The following BCOR variants were observed in gnomAD, a reference collection of about 807,000 sequenced individuals.
BCOR encodes the protein BCL6 corepressor, also known as BCL-6 corepressor.
A neutral mutation model predicts 86.7 loss-of-function variants in BCOR; 10 were observed. The ratio of observed to expected loss-of-function variants is 0.12; its 90% CI spans 0.07 to 0.20. The LOEUF (loss-of-function observed/expected upper bound fraction) is 0.20. Among genes scored for constraint, BCOR ranks in the 10% least tolerant of loss-of-function variants. The probability of loss-of-function intolerance (pLI) is 1.00; values close to 1 mark genes in which losing one functional copy is unlikely to be tolerated. For synonymous variants in BCOR, 611 were observed against 609.0 expected, an observed-to-expected ratio of 1.00 and a Z score of -0.05; for missense variants, 1,259 against 1,452.1, an observed-to-expected ratio of 0.87 and a Z score of 2.16.
At chrX:40,055,601 C>T in intron 11 of BCOR, 88 bp from the exon 12 acceptor site, 1 of 1,078,214 alleles carries the variant, frequency 9.3e-7, no homozygotes, top group Non-Finnish European at 1.3e-6. Context: ...ACAGGCAAAG[C>T]TGGGCACATG....
intron 1 of BCOR, among the ~76,000 whole-genome samples, chrX:40,138,617 C>T (rs975848392): frequency 2.7e-5 from 3 of 110,925 alleles, no homozygotes; most frequent in Non-Finnish European, 5.7e-5. Context: ...TGTAGTGGCA[C>T]GATCTCGGCT....
Position 40,074,515 on chromosome X carries a change from C to G in BCOR, c.831G>C (p.Pro277=), listed in dbSNP as rs766706601. The G allele has an allele frequency of 8.3e-7, 1 of 1,206,649 alleles. No homozygotes were observed. Among genetic ancestry groups the G allele is most frequent in the East Asian group, 3.0e-5 (1 of 33,623 alleles). Residue 277 remains proline, a synonymous_variant, in exon 4 of 15, where the codon CCG becomes CCC. Transcript: ENST00000378444. The part of the protein sequence containing the change: ...LSTPSASPAI[P]PLVHCADKSL... ...TTTTGTCTGCGCAATGGACGAGAGG[C>G]GGGATGGCTGGGGAGGCCGAAGGTG...
intron 1 of BCOR, among the ~76,000 whole-genome samples, chrX:40,127,528 T>G (rs1462729846): frequency 8.9e-6 from 1 of 111,969 alleles, no homozygotes; most frequent in Non-Finnish European, 1.9e-5. Context: ...AGCAAACTGA[T>G]ATATCTCATT....
chrX:40,057,877 A>G (rs774260510), intron 10 of BCOR, among the ~76,000 whole-genome samples: 9 of 111,867 alleles, frequency 8.0e-5, no homozygotes, highest in Non-Finnish European at 1.3e-4. Context: ...GATGCCCAGG[A>G]GTTTAGGCTG....
Position 40,062,178 on chromosome X carries a change from G to A in BCOR, c.4389C>T (p.Gly1463=), listed in dbSNP as rs200839989. Residue 1463 remains glycine (G), a synonymous_variant, in exon 10 of 15, where the codon GGC becomes GGT. Coordinates refer to ENST00000378444, the MANE Select transcript of BCOR (RefSeq NM_001123385.2). ...TGGCTGCCCGCTGCAGAAGGGTCTC[G>A]CCAGCGTTCTTATTGACAATAAGTC... ...ARRLIVNKNA[G]ETLLQRAARL... The A allele has an allele frequency of 1.2e-5, 15 of 1,203,295 alleles. No individual in the cohort carries two copies. The highest frequency in any genetic ancestry group is 2.3e-4 in the Middle Eastern group (1 of 4,301).
At chrX:40,052,540 T>C (rs886944953) in intron 14 of BCOR, 140 bp from the exon 15 acceptor site, 1 of 363,964 alleles carries the variant, frequency 2.7e-6, no homozygotes, top group Non-Finnish European at 4.7e-6. Flanking sequence ...TCACCATACC[T>C]ACTCTCTGAT....
chrX:40,137,583 T>TAAAATAAAATAAA (rs772086968), intron 1 of BCOR, among the ~76,000 whole-genome samples: 1 of 80,499 alleles, frequency 1.2e-5, no homozygotes, highest in African/African-American at 7.6e-5. Flanking sequence ...TAAAATAAAA[T>TAAAATAAAATAAA]ATAAAATAAA....
upstream of BCOR, among the ~76,000 whole-genome samples, chrX:40,101,251 C>T (rs1459442335): frequency 1.8e-5 from 2 of 111,489 alleles, no homozygotes. Context: ...TTTGGCCCTT[C>T]TCCTGCCCCC....
chrX:40,128,915 C>T (rs1399562958), intron 1 of BCOR, among the ~76,000 whole-genome samples: 26 of 108,978 alleles, frequency 2.4e-4, no homozygotes, highest in Admixed American at 2.4e-3. Flanking sequence ...GAAATAGCTG[C>T]CATTTATTAA....
Position 40,073,489 on chromosome X carries a change from G to A in BCOR, c.1857C>T (p.Ala619=). Residue 619 remains alanine, a synonymous_variant, in exon 4 of 15, where the codon GCC becomes GCT. Transcript: ENST00000378444. ...SSSTSSKGAK[A]SNPEPSFKAN... ...CTTTGAAACTCGGTTCTGGGTTGCTGGCTTTGGCGCCCTTGCTGCTGGTGC... is the reference window on the plus strand; with the variant it reads ...CTTTGAAACTCGGTTCTGGGTTGCTAGCTTTGGCGCCCTTGCTGCTGGTGC... 4.9e-6 allele frequency: 6 copies of A among 1,212,497 alleles called. No homozygotes were observed. Among genetic ancestry groups the A allele is most frequent in the Non-Finnish European group, 6.7e-6 (6 of 895,697 alleles).
intron 10 of BCOR, among the ~76,000 whole-genome samples, chrX:40,061,513 A>AG (rs1205403666): frequency 9.0e-6 from 1 of 111,511 alleles, no homozygotes; most frequent in Non-Finnish European, 1.9e-5. Context: ...CGTCAACGTA[A>AG]GCTATCATTG....
intron 1 of BCOR, among the ~76,000 whole-genome samples, chrX:40,126,870 GAC>G (rs752002930): frequency 6.9e-4 from 74 of 107,518 alleles, no homozygotes; most frequent in African/African-American, 2.2e-3. Context: ...AGGAGGTTAG[GAC>G]ACACACACAC....
At chrX:40,150,026 G>A (rs1938137629) in intron 1 of BCOR, among the ~76,000 whole-genome samples, 1 of 112,533 alleles carries the variant, frequency 8.9e-6, no homozygotes, top group Non-Finnish European at 1.9e-5. Flanking sequence ...TCCTGCTCCA[G>A]AGCCAGAATC....
In BCOR at chrX:40,066,929, C is replaced by T. The variant is rs1352745327; in HGVS notation, c.3239-2330G>A. On this transcript the variant is annotated intron_variant, in intron 6 of 14. Coordinates refer to ENST00000378444, the MANE Select transcript of BCOR (RefSeq NM_001123385.2). Reference sequence around the variant, plus strand: ...GCACCCTTCCCAGAGACACCCCCCCCCCCCCATCAAATCCCCATCAGATTA... The same window carrying T: ...GCACCCTTCCCAGAGACACCCCCCCTCCCCCATCAAATCCCCATCAGATTA... 8.2e-5 allele frequency among the ~76,000 whole-genome samples: 8 copies of T among 97,362 alleles called. No homozygotes were observed. The Admixed American group carries it at 8.6e-4, about 10-fold the overall frequency. The allele number at this position is 97,362 out of a possible 115,157, so 84.5% of individuals were successfully genotyped here.
chrX:40,070,779 C>G (rs966201024), intron 6 of BCOR, among the ~76,000 whole-genome samples, 194 bp downstream of exon 6: 3 of 112,036 alleles, frequency 2.7e-5, no homozygotes, highest in African/African-American at 9.8e-5. Flanking sequence ...GTTATCAACT[C>G]TAGAACCAGT....
intron 1 of BCOR, among the ~76,000 whole-genome samples, chrX:40,156,662 G>GC (rs1225876218): frequency 2.1e-3 from 235 of 110,696 alleles, no homozygotes; most frequent in Middle Eastern, 4.7e-3. Context: ...AGTCTTCTGA[G>GC]CCCCCCACGC....
intron 1 of BCOR, among the ~76,000 whole-genome samples, chrX:40,122,685 C>T (rs753594620): frequency 8.9e-6 from 1 of 112,012 alleles, no homozygotes; most frequent in Admixed American, 9.4e-5. Context: ...CCACTCGGGG[C>T]GTTAACTGGC....
chrX:40,175,062 TC>T (rs1938712413), intron 1 of BCOR, among the ~76,000 whole-genome samples: 1 of 103,393 alleles, frequency 9.7e-6, no homozygotes, highest in Non-Finnish European at 1.9e-5. Flanking sequence ...GCGCCCATCC[TC>T]CCCAAGCACC....
chrX:40,098,817 G>T (rs1056547799), upstream of BCOR, among the ~76,000 whole-genome samples: 3 of 112,164 alleles, frequency 2.7e-5, no homozygotes, highest in Non-Finnish European at 5.6e-5. Context: ...CTCCGCGCCC[G>T]AGTTCCCCGG....
Sources: gnomAD v4.1 joint callset for allele counts (sites outside exome capture counted in the v4.1 genomes callset) on GRCh38, gnomAD v4.1.1 for gene constraint, MANE v1.5 for transcripts, NCBI Gene and HGNC (gene_info 2026-07-23, HGNC 2026-07-21) for gene names.